Variants in LRP1 observed in about 807,000 individuals in gnomAD.
LRP1 encodes prolow-density lipoprotein receptor-related protein 1.
A neutral mutation model predicts 541.5 loss-of-function variants in LRP1; 51 were observed. That is an observed-to-expected ratio of 0.09 (90% CI 0.08 to 0.12). LRP1 has a LOEUF of 0.12. Ranked by LOEUF, LRP1 falls within the 10% of genes least tolerant of loss-of-function variation. LRP1 has a pLI of 1.00. For synonymous variants in LRP1, 2,219 were observed against 2,470.8 expected, an observed-to-expected ratio of 0.90 and a Z score of 3.02; for missense variants, 3,878 against 6,376.2, an observed-to-expected ratio of 0.61 and a Z score of 13.34.
Position 57,181,254 on chromosome 12 carries a change from C to T in LRP1, c.5625C>T (p.Ala1875=), listed in dbSNP as rs766786921. 2.0e-5 allele frequency: 33 copies of T among 1,613,384 alleles called. No homozygotes were observed. Among genetic ancestry groups the T allele is most frequent in the South Asian group, 1.2e-4 (11 of 91,084 alleles). The change falls in exon 34 of 89, where the codon GCC becomes GCT. Residue 1875 remains alanine, a synonymous_variant. Coordinates refer to ENST00000243077, the MANE Select transcript of LRP1 (RefSeq NM_002332.3). ...SETTRSCMCT[A]GYSLRSGQQA... ...CGACCCGCTCCTGCATGTGCACAGCCGGCTATAGCCTCCGGAGTGGCCAGC... is the reference window on the plus strand; with the variant it reads ...CGACCCGCTCCTGCATGTGCACAGCTGGCTATAGCCTCCGGAGTGGCCAGC...
At position 57,209,172 on chromosome 12, in the gene LRP1, C is replaced by A; in HGVS notation, c.12235C>A (p.Pro4079Thr). 6.2e-7 allele frequency: 1 copy of A among 1,613,940 alleles called. No homozygotes were observed. The highest frequency in any genetic ancestry group is 8.5e-7 in the Non-Finnish European group (1 of 1,179,926). ...CAGCATCCGGCTCAATGGCACGGAC[C>A]CCATTGTGGCTGCTGACAGCAAACG... is the stretch of plus-strand genomic sequence containing the variant. ...IGSIRLNGTD[P>T]IVAADSKRGL... Residue 4079 changes from proline (P) to threonine (T), a missense_variant, in exon 79 of 89, where the codon CCC (proline) becomes ACC (threonine). This residue lies in a region of LRP1 where 871 missense variants were observed against 1,212.4 expected (regional missense o/e 0.72). Transcript: ENST00000243077.
At chr12:57,188,191 C>T (rs1358083888) in intron 42 of LRP1, among the ~76,000 whole-genome samples, 1 of 152,188 alleles carries the variant, frequency 6.6e-6, no homozygotes, top group Non-Finnish European at 1.5e-5. Flanking sequence ...GGTTCACCCG[C>T]AGTCAGCCTG....
At chr12:57,193,717 T>C in intron 47 of LRP1, 32 bp downstream of exon 47, 4 of 1,614,048 alleles carry the variant, frequency 2.5e-6, no homozygotes, top group South Asian at 2.2e-5. Context: ...AACCCATCTG[T>C]ACCTCAGTTC....
intron 4 of LRP1, 51 bp from the exon 5 acceptor site, chr12:57,144,921 G>T: frequency 6.3e-7 from 1 of 1,583,610 alleles, no homozygotes. Context: ...CACCCACTTC[G>T]TTGCCCTTGT....
At position 57,205,371 on chromosome 12, in the gene LRP1, G is replaced by T. The variant is rs200540915; in HGVS notation, c.11356G>T (p.Ala3786Ser). 6.2e-7 allele frequency: 1 copy of T among 1,607,816 alleles called. No individual in the cohort carries two copies. Among genetic ancestry groups the T allele is most frequent in the South Asian group, 1.1e-5 (1 of 90,892 alleles). Residue 3786 changes from alanine (A) to serine (S), a missense_variant, in exon 74 of 89, where the codon GCC (alanine) becomes TCC (serine). By Grantham distance (99) the Ala-to-Ser change is moderately conservative (BLOSUM62 1). Around this residue, in one of 13 missense-constraint regions of LRP1, gnomAD observed 871 missense variants for 1,212.4 expected, o/e 0.72. Coordinates refer to ENST00000243077, the MANE Select transcript of LRP1 (RefSeq NM_002332.3). This position sits in a 1 kb window ranked among gnomAD's most constrained non-coding sequence, Gnocchi z 4.6. ...CSIDPKLTSC[A>S]TNASICGDEA... ...CACAGACCCCAAGCTGACCAGCTGC[G>T]CCACCAATGCCAGCATCTGTGGGGA...
chr12:57,183,574 G>T lies in LRP1; in HGVS notation c.5794+64G>T. Reference sequence around the variant, plus strand: ...AGGAGCTTTAGGGGTGGTGTGGTGTGCCCTGAGGGTCCAGTGAGAGGCTGC... The same window carrying T: ...AGGAGCTTTAGGGGTGGTGTGGTGTTCCCTGAGGGTCCAGTGAGAGGCTGC... On this transcript the variant is annotated intron_variant, in intron 35 of 88. Coordinates refer to ENST00000243077, the MANE Select transcript of LRP1 (RefSeq NM_002332.3). This position sits in a 1 kb window ranked among gnomAD's most constrained non-coding sequence, Gnocchi z 6.1. 1 of 1,559,666 alleles carries T rather than the reference G, an allele frequency of 6.4e-7. No homozygotes were observed. Among genetic ancestry groups the T allele is most frequent in the South Asian group, 1.2e-5 (1 of 85,066 alleles).
At chr12:57,144,018 A>C (rs1236025308) in intron 4 of LRP1, among the ~76,000 whole-genome samples, 1 of 152,180 alleles carries the variant, frequency 6.6e-6, no homozygotes, top group Non-Finnish European at 1.5e-5. Context: ...TTTATATGTA[A>C]ATTTTTCTGT....
At position 57,194,217 on chromosome 12, in the gene LRP1, T is replaced by A. The variant is rs529072665; in HGVS notation, c.7919-137T>A. 11 of 1,098,262 alleles carry A rather than the reference T, an allele frequency of 1.0e-5. No homozygotes were observed. The East Asian group carries it at 2.9e-4, about 29-fold the overall frequency. 68.0% of individuals were successfully genotyped at this position (1,098,262 alleles called of 1,614,324 possible). On this transcript the variant is annotated intron_variant, in intron 48 of 88. Transcript: ENST00000243077. ...GTTCCGAGAGGGGGCAGTGAGCAGA[T>A]GGTGCAGACAGTGCCCCACCAGAAG...
chr12:57,134,283 T>C (rs1424901586), intron 1 of LRP1, among the ~76,000 whole-genome samples: 1 of 152,150 alleles, frequency 6.6e-6, no homozygotes, highest in Non-Finnish European at 1.5e-5. Flanking sequence ...CTTCTTCTCC[T>C]GCCTGTCTTC....
At chr12:57,138,723 A>C in intron 2 of LRP1, 142 bp downstream of exon 2, 1 of 1,162,268 alleles carries the variant, frequency 8.6e-7, no homozygotes, top group Non-Finnish European at 1.2e-6. Flanking sequence ...CACAGCTAAA[A>C]CTGTCCTTTA....
intron 1 of LRP1, among the ~76,000 whole-genome samples, chr12:57,131,158 A>C (rs543508915): frequency 1.3e-5 from 2 of 152,144 alleles, no homozygotes; most frequent in Non-Finnish European, 2.9e-5. Flanking sequence ...CTGACTTAGT[A>C]TGTTACCTTC....
chr12:57,199,440 A>T, intron 61 of LRP1, 40 bp downstream of exon 61: 1 of 1,589,038 alleles, frequency 6.3e-7, no homozygotes, highest in Non-Finnish European at 8.6e-7. Context: ...ACGGTGAGCC[A>T]GGCACCGGGG....
rs1177194577 is a variant in LRP1, at chr12:57,156,025, G to A, written c.1228-69G>A. On this transcript the variant is annotated intron_variant, in intron 8 of 88. Coordinates refer to ENST00000243077, the MANE Select transcript of LRP1 (RefSeq NM_002332.3). This position sits in a 1 kb window ranked among gnomAD's most constrained non-coding sequence, Gnocchi z 5.2. ...GGTCATGAAGTCTGGAGGAAGCTGA[G>A]GGGATCTCCAGGACAGAGGGAGGAA... 4 of 1,290,074 alleles carry A rather than the reference G, an allele frequency of 3.1e-6. No homozygotes were observed. The highest frequency in any genetic ancestry group is 4.7e-5 in the East Asian group (2 of 42,780). The allele number at this position is 1,290,074 out of a possible 1,614,324, so 79.9% of individuals were successfully genotyped here. A position where few individuals can be genotyped will look rare whatever the true frequency, so the allele number is the denominator to read the frequency against.
chr12:57,185,805 C>T lies in LRP1; in HGVS notation c.6738C>T (p.Gly2246=), dbSNP rs1018334922. 1.9e-6 allele frequency: 3 copies of T among 1,614,070 alleles called. No homozygotes were observed. The highest frequency in any genetic ancestry group is 2.5e-6 in the Non-Finnish European group (3 of 1,180,038). The change falls in exon 41 of 89, where the codon GGC becomes GGT. Residue 2246 remains glycine (G), a synonymous_variant. Transcript: ENST00000243077. The surrounding 1 kb of genome is among the most constrained non-coding windows in gnomAD (Gnocchi z 4.9). Reference sequence around the variant, plus strand: ...CCCTGGCCTTTGACTACCGGGCAGGCACCTCTCCGGGCACCCCCAATCGCA... The same window carrying T: ...CCCTGGCCTTTGACTACCGGGCAGGTACCTCTCCGGGCACCCCCAATCGCA... ...VIALAFDYRA[G]TSPGTPNRIF... is the part of the protein sequence containing the mutation.
chr12:57,152,435 C>T (rs1565720871), intron 6 of LRP1, among the ~76,000 whole-genome samples: 2 of 152,292 alleles, frequency 1.3e-5, no homozygotes, highest in Admixed American at 6.5e-5. Context: ...TTCCAGCCAC[C>T]CTGCTGGCTG....
In LRP1 at chr12:57,204,244, G is replaced by A; in HGVS notation, c.10952-166G>A. 1.3e-6 allele frequency: 1 copy of A among 748,108 alleles called. No homozygotes were observed. Among genetic ancestry groups the A allele is most frequent in the South Asian group, 2.8e-5 (1 of 36,154 alleles). 46.3% of individuals were successfully genotyped at this position (748,108 alleles called of 1,614,324 possible). A position where few individuals can be genotyped will look rare whatever the true frequency, so the allele number is the denominator to read the frequency against. ...GGCCTCTTCTCCCCTAAATACCAGA[G>A]GGGGCAGTTTGGCCCCACCAAGTAG... On this transcript the variant is annotated intron_variant, in intron 70 of 88. Transcript: ENST00000243077. The surrounding 1 kb of genome is among the most constrained non-coding windows in gnomAD (Gnocchi z 5.3).
In LRP1 at chr12:57,183,934, G is replaced by A; in HGVS notation, c.5929+25G>A. On this transcript the variant is annotated intron_variant, in intron 36 of 88. Transcript: ENST00000243077. This position sits in a 1 kb window ranked among gnomAD's most constrained non-coding sequence, Gnocchi z 6.1. Reference sequence around the variant, plus strand: ...GGTGAGCAGTGGGCAGGTTTGTGGGGCTTGGGGTGTGGCAGAGGACTGGGG... The same window carrying A: ...GGTGAGCAGTGGGCAGGTTTGTGGGACTTGGGGTGTGGCAGAGGACTGGGG... 6.2e-7 allele frequency: 1 copy of A among 1,613,832 alleles called. No individual in the cohort carries two copies. Among genetic ancestry groups the A allele is most frequent in the Non-Finnish European group, 8.5e-7 (1 of 1,179,898 alleles).
rs752206502 is a variant in LRP1, at chr12:57,177,581, A to G, written c.4351A>G (p.Ile1451Val). 2 of 1,613,772 alleles carry G rather than the reference A, an allele frequency of 1.2e-6. No homozygotes were observed. Among genetic ancestry groups the G allele is most frequent in the Non-Finnish European group, 8.5e-7 (1 of 1,179,908 alleles). The change falls in exon 26 of 89, where the codon ATT (isoleucine) becomes GTT (valine). Residue 1451 changes from isoleucine to valine, a missense_variant. Transcript: ENST00000243077. This position sits in a 1 kb window ranked among gnomAD's most constrained non-coding sequence, Gnocchi z 6.8. ...CTACCTGGAGAAGCGCATCCTTTGG[A>G]TTGACGCCAGGTCAGCACCCTCTGT... ...VDYLEKRILWIDARSDAIYSA... is the reference protein window; with the variant it reads ...VDYLEKRILWVDARSDAIYSA...
At position 57,194,565 on chromosome 12, in the gene LRP1, C is replaced by T. The variant is rs1208353539; in HGVS notation, c.8069-12C>T. ...CGGTGAGCAGGGCCCTCACACCTGC[C>T]TCGCCCCCCAGGTGTGAAACGCCCC... On this transcript the variant is annotated splice_polypyrimidine_tract_variant and intron_variant, in intron 49 of 88. Transcript: ENST00000243077. 1 of 1,612,654 alleles carries T rather than the reference C, an allele frequency of 6.2e-7. No homozygotes were observed. Among genetic ancestry groups the T allele is most frequent in the South Asian group, 1.1e-5 (1 of 91,036 alleles).
Sources: gnomAD v4.1 joint callset for allele counts (sites outside exome capture counted in the v4.1 genomes callset) on GRCh38, gnomAD v4.1.1 for gene constraint, gnomAD v4.1.1 regional missense constraint, Gnocchi (gnomAD v3.1) non-coding constraint, MANE v1.5 for transcripts, NCBI Gene and HGNC (gene_info 2026-07-23, HGNC 2026-07-21) for gene names.